Variants in SMUG1 observed in about 807,000 individuals in gnomAD.
SMUG1 encodes single-strand selective monofunctional uracil DNA glycosylase.
A neutral mutation model predicts 23.9 loss-of-function variants in SMUG1; 13 were observed. That is an observed-to-expected ratio of 0.54 (90% confidence interval 0.35 to 0.86). SMUG1 has a LOEUF of 0.86. SMUG1 is among the 40% of genes least tolerant of loss of function. The pLI, the probability that SMUG1 is intolerant of heterozygous loss-of-function variation, is 0.01. For synonymous variants in SMUG1, 133 were observed against 139.8 expected (o/e 0.95, Z 0.34); for missense variants, 313 against 339.5 (o/e 0.92, Z 0.61).
intron 3 of SMUG1, 155 bp downstream of exon 3, chr12:54,183,501 G>A (rs763148741): frequency 1.1e-5 from 8 of 725,154 alleles, no homozygotes; most frequent in Middle Eastern, 2.4e-4. Context: ...AGAGGGCCTC[G>A]GACCACAGGA....
intron 3 of SMUG1, chr12:54,182,850 T>C: frequency 1.3e-6 from 1 of 745,054 alleles, no homozygotes; most frequent in East Asian, 2.9e-5. Context: ...TGTTTCCCTC[T>C]AGCCCAACTA....
chr12:54,163,806 T>A (rs922074344), downstream of SMUG1, among the ~76,000 whole-genome samples: 3 of 152,242 alleles, frequency 2.0e-5, no homozygotes, highest in Non-Finnish European at 4.4e-5. Flanking sequence ...ATAATATTCA[T>A]CTCATAGTAT....
Position 54,182,244 on chromosome 12 carries a change from C to T in SMUG1, c.665G>A (p.Arg222Gln), listed in dbSNP as rs760213167. 36 of 1,611,922 alleles carry T rather than the reference C, an allele frequency of 2.2e-5. No individual in the cohort carries two copies. Among genetic ancestry groups the T allele is most frequent in the South Asian group, 5.5e-5 (5 of 90,872 alleles). Reference sequence around the variant, plus strand: ...TGGCATCAGGCCTGCCAGAGCCCGTCGTGCCCGCTGCTCTGCCAGTCGCCC... The same window carrying T: ...TGGCATCAGGCCTGCCAGAGCCCGTTGTGCCCGCTGCTCTGCCAGTCGCCC... ...GVGRLAEQRA[R>Q]RALAGLMPEV... The change falls in exon 4 of 4, where the codon CGA becomes CAA. Residue 222 changes from arginine to glutamine, a missense_variant. Arg to Gln is a conservative substitution (Grantham distance 43, BLOSUM62 1). Transcript: ENST00000682136.
rs1592369975 is a variant in SMUG1 at position 54,181,798 on chromosome 12, G to T, written c.*298C>A. ...ATAAAGTCTCCCAAGGAAACACTGA[G>T]GTAGAGCAGTCTGCAAGTGCAAAAG... On this transcript the variant is annotated 3_prime_UTR_variant, in exon 4 of 4. Coordinates refer to ENST00000682136, the MANE Select transcript of SMUG1 (RefSeq NM_001243787.2). 1.4e-6 allele frequency: 2 copies of T among 1,430,846 alleles called. No individual in the cohort carries two copies. Among genetic ancestry groups the T allele is most frequent in the East Asian group, 5.0e-5 (2 of 39,974 alleles). The allele number at this position is 1,430,846 out of a possible 1,614,324, so 88.6% of individuals were successfully genotyped here.
downstream of SMUG1, chr12:54,163,267 G>C (rs1940331463): frequency 6.6e-6 from 1 of 152,202 alleles, no homozygotes; most frequent in Non-Finnish European, 1.5e-5. Context: ...GTTAGGCCAG[G>C]TTCCCTGAAG....
chr12:54,166,266 C>G (rs1940461081), intron 3 of SMUG1, among the ~76,000 whole-genome samples: 1 of 152,098 alleles, frequency 6.6e-6, no homozygotes, highest in African/African-American at 2.4e-5. Context: ...GAGGCTGAGG[C>G]AGGAGAATTG....
chr12:54,171,827 A>G (rs1457928624), intron 3 of SMUG1, among the ~76,000 whole-genome samples: 6 of 151,892 alleles, frequency 4.0e-5, no homozygotes, highest in Admixed American at 3.9e-4. Flanking sequence ...CTCCTGTGGT[A>G]TTTCCCCATA....
Position 54,181,405 on chromosome 12 carries a change from G to A in SMUG1, c.*691C>T. 2.8e-6 allele frequency: 2 copies of A among 703,332 alleles called. No homozygotes were observed. Among genetic ancestry groups the A allele is most frequent in the South Asian group, 3.6e-5 (2 of 55,334 alleles). The allele number at this position is 703,332 out of a possible 1,614,324, so 43.6% of individuals were successfully genotyped here. ...AAGCCCATGCAAGGCACTTTCAAGT[G>A]TGATCTCAGTTAATCCTCACACCAA... On this transcript the variant is annotated 3_prime_UTR_variant, in exon 4 of 4. Transcript: ENST00000682136.
chr12:54,183,923 C>T lies in SMUG1; in HGVS notation c.18G>A (p.Leu6=). 6.3e-7 allele frequency: 1 copy of T among 1,578,894 alleles called. No individual in the cohort carries two copies. MPQAF[L]LGSIHEPAGA... is the part of the protein sequence containing the mutation. ...CTGCAGGCTCATGGATGGACCCCAG[C>T]AGGAAAGCCTGGGGCATATGTCCAT... The change falls in exon 3 of 4, where the codon CTG becomes CTA. Residue 6 remains leucine (L), a synonymous_variant. Coordinates refer to ENST00000682136, the MANE Select transcript of SMUG1 (RefSeq NM_001243787.2).
At chr12:54,174,514 C>A (rs934277153) in intron 2 of SMUG1, among the ~76,000 whole-genome samples, 7 of 152,194 alleles carry the variant, frequency 4.6e-5, no homozygotes, top group African/African-American at 1.7e-4. Flanking sequence ...ACAGGAGACC[C>A]TTTTTTGCTG....
In SMUG1 at chr12:54,183,866, T is replaced by G. The variant is rs748981913; in HGVS notation, c.75A>C (p.Gly25=). Reference sequence around the variant, plus strand: ...CCTCCAGGAAGCTCTCAGCCAAGCTTCCAGGGCAGGGCTGGGGCTCCATGA... The same window carrying G: ...CCTCCAGGAAGCTCTCAGCCAAGCTGCCAGGGCAGGGCTGGGGCTCCATGA... The part of the protein sequence containing the change: ...GALMEPQPCP[G]SLAESFLEEE... Residue 25 remains glycine (G), a synonymous_variant, in exon 3 of 4, where the codon GGA becomes GGC. Transcript: ENST00000682136. 2.5e-6 allele frequency: 4 copies of G among 1,612,374 alleles called. No individual in the cohort carries two copies. Among genetic ancestry groups the G allele is most frequent in the Non-Finnish European group, 2.5e-6 (3 of 1,179,312 alleles).
At chr12:54,161,313 A>G (rs1007419735), downstream of SMUG1, among the ~76,000 whole-genome samples, 1 of 152,210 alleles carries the variant, frequency 6.6e-6, no homozygotes, top group Non-Finnish European at 1.5e-5. The surrounding 1 kb of genome is among the most constrained non-coding windows in gnomAD (Gnocchi z 4.2). Flanking sequence ...CCCGCAAACA[A>G]GATGAAGTAC....
chr12:54,170,565 A>T (rs1016698210), intron 3 of SMUG1, among the ~76,000 whole-genome samples: 1 of 152,050 alleles, frequency 6.6e-6, no homozygotes, highest in Admixed American at 6.6e-5. Flanking sequence ...GAGATGTCTC[A>T]GCATTTTTTT....
Position 54,181,787 on chromosome 12 carries a change from G to A in SMUG1, c.*309C>T. 1 of 1,438,396 alleles carries A rather than the reference G, an allele frequency of 7.0e-7. No homozygotes were observed. The highest frequency in any genetic ancestry group is 9.1e-7 in the Non-Finnish European group (1 of 1,101,052). The allele number at this position is 1,438,396 out of a possible 1,614,324, so 89.1% of individuals were successfully genotyped here. On this transcript the variant is annotated 3_prime_UTR_variant, in exon 4 of 4. Transcript: ENST00000682136. ...CTCTCAGCTGAATAAAGTCTCCCAA[G>A]GAAACACTGAGGTAGAGCAGTCTGC...
intron 3 of SMUG1, among the ~76,000 whole-genome samples, chr12:54,169,211 T>C (rs988652933): frequency 6.6e-6 from 1 of 152,042 alleles, no homozygotes; most frequent in East Asian, 1.9e-4. Context: ...CAGAGGAACA[T>C]GACTGCTGTG....
At chr12:54,185,478 AAAAT>A (rs1942149294) in intron 2 of SMUG1, among the ~76,000 whole-genome samples, 1 of 76,156 alleles carries the variant, frequency 1.3e-5, no homozygotes, top group Non-Finnish European at 2.9e-5. Context: ...AAAAAAAAAT[AAAAT>A]AAAAAATAAA....
At chr12:54,169,226 G>A (rs1940556747) in intron 3 of SMUG1, among the ~76,000 whole-genome samples, 1 of 152,190 alleles carries the variant, frequency 6.6e-6, no homozygotes, top group Admixed American at 6.5e-5. Flanking sequence ...GCTGTGTGGA[G>A]AATGGACTGT....
At position 54,182,321 on chromosome 12, in the gene SMUG1, T is replaced by C; in HGVS notation, c.588A>G (p.Ala196=). 6.2e-7 allele frequency: 1 copy of C among 1,614,042 alleles called. No individual in the cohort carries two copies. Among genetic ancestry groups the C allele is most frequent in the Non-Finnish European group, 8.5e-7 (1 of 1,180,000 alleles). The change falls in exon 4 of 4, where the codon GCA becomes GCG. Residue 196 remains alanine, a synonymous_variant. Transcript: ENST00000682136. ...QREQLLGICD[A]ALCRQVQLLG... is the part of the protein sequence containing the mutation. ...GCAGCTGCACCTGCCGGCAGAGGGC[T>C]GCATCACAGATCCCAAGAAGCTGTT...
downstream of SMUG1, among the ~76,000 whole-genome samples, chr12:54,178,012 C>G (rs542892086): frequency 1.2e-4 from 18 of 152,086 alleles, no homozygotes; most frequent in Non-Finnish European, 2.4e-4. Flanking sequence ...AAGGGGGGAC[C>G]TAATCCAGTA....
Sources: gnomAD v4.1 joint callset for allele counts (sites outside exome capture counted in the v4.1 genomes callset) on GRCh38, gnomAD v4.1.1 for gene constraint, Gnocchi (gnomAD v3.1) non-coding constraint, MANE v1.5 for transcripts, NCBI Gene and HGNC (gene_info 2026-07-23, HGNC 2026-07-21) for gene names.